The following CHD3 variants were observed in gnomAD, a reference collection of about 807,000 sequenced individuals.
CHD3 encodes chromodomain helicase DNA binding protein 3.
CHD3 carries 52 observed loss-of-function variants against 248.9 expected under a neutral mutation model. That is an observed-to-expected ratio of 0.21 (90% confidence interval 0.17 to 0.26). The LOEUF is 0.26. CHD3 is among the 10% of genes least tolerant of loss of function. CHD3 has a pLI of 1.00. For missense variants in CHD3, 1,482 were observed against 2,605.8 expected (o/e 0.57, Z 9.39); for synonymous variants, 985 against 985.2 (o/e 1.00, Z 0.00).
chr17:7,889,179 A>G lies in CHD3; in HGVS notation c.100+79A>G. ...AGGGCCCCAGGGTGTTAGTGTGAGA[A>G]CCCAGGTGTCCACCTTTGGCTCTCC... On this transcript the variant is annotated intron_variant, in intron 1 of 39. Coordinates refer to ENST00000330494, the MANE Select transcript of CHD3 (RefSeq NM_001005273.3). The surrounding 1 kb of genome is among the most constrained non-coding windows in gnomAD (Gnocchi z 4.5). The G allele has an allele frequency of 6.4e-7, 1 of 1,567,890 alleles. No individual in the cohort carries two copies. Among genetic ancestry groups the G allele is most frequent in the Non-Finnish European group, 8.7e-7 (1 of 1,145,124 alleles).
Position 7,909,033 on chromosome 17 carries a change from C to G in CHD3, c.5395-110C>G. The G allele has an allele frequency of 6.8e-7, 1 of 1,466,116 alleles. No individual in the cohort carries two copies. Among genetic ancestry groups the G allele is most frequent in the Non-Finnish European group, 9.2e-7 (1 of 1,082,288 alleles). The allele number at this position is 1,466,116 out of a possible 1,614,324, so 90.8% of individuals were successfully genotyped here. A position where few individuals can be genotyped will look rare whatever the true frequency, so the allele number is the denominator to read the frequency against. On this transcript the variant is annotated intron_variant, in intron 36 of 39. Transcript: ENST00000330494. This position sits in a 1 kb window ranked among gnomAD's most constrained non-coding sequence, Gnocchi z 8.1. ...CGCAGTCGGTTTGGAGCTGGGAGTG[C>G]CCTGGGCCAGCAGTGAGGGCAGGGT... is the stretch of plus-strand genomic sequence containing the variant.
In CHD3 at chr17:7,910,828, T is replaced by C. The variant is rs200597692; in HGVS notation, c.5755-19T>C. 2.1e-3 allele frequency: 3,326 copies of C among 1,584,646 alleles called. 58 individuals are homozygous for C. The South Asian group carries it at 0.027, about 13-fold the overall frequency. ...CAGACTATGAACTAACTCCAACTTC[T>C]GCTTCCTCTCTGTTCCAGGCCTACC... On this transcript the variant is annotated intron_variant, in intron 38 of 39. Transcript: ENST00000330494. This position sits in a 1 kb window ranked among gnomAD's most constrained non-coding sequence, Gnocchi z 4.7.
Position 7,900,870 on chromosome 17 carries a change from C to T in CHD3, c.2997C>T (p.Ile999=), listed in dbSNP as rs758346233. ...SPMQKKYYKY[I]LTRNFEALNS... is the part of the protein sequence containing the mutation. ...CCTTTAGGAAATACTACAAATACAT[C>T]CTGACTCGAAATTTTGAGGCCTTGA... is the stretch of plus-strand genomic sequence containing the variant. The change falls in exon 19 of 40, where the codon ATC becomes ATT. Residue 999 remains isoleucine, a synonymous_variant. Transcript: ENST00000330494. The surrounding 1 kb of genome is among the most constrained non-coding windows in gnomAD (Gnocchi z 6.5). The T allele has an allele frequency of 3.1e-5, 50 of 1,614,132 alleles. No individual in the cohort carries two copies. In the East Asian group the frequency reaches 1.1e-3, roughly 36 times the overall value.
At position 7,898,483 on chromosome 17, in the gene CHD3, A is replaced by T. The variant is rs764840474; in HGVS notation, c.2052-13A>T. ...CAAGGATGAGGCCTCATTCAGACCC[A>T]CTCTTTTTCCAGAGAACTAATTATG... On this transcript the variant is annotated splice_polypyrimidine_tract_variant and intron_variant, in intron 12 of 39. Transcript: ENST00000330494. 6.2e-7 allele frequency: 1 copy of T among 1,603,218 alleles called. No individual in the cohort carries two copies. Among genetic ancestry groups the T allele is most frequent in the Non-Finnish European group, 8.5e-7 (1 of 1,171,016 alleles).
Position 7,897,007 on chromosome 17 carries a change from C to A in CHD3, c.1708-76C>A. ...CCTTTCCCTGTCCCATTCCTCCTGC[C>A]GGCCTCTTCCCGGTTCCTTGTTGTC... On this transcript the variant is annotated intron_variant, in intron 10 of 39. Transcript: ENST00000330494. This position sits in a 1 kb window ranked among gnomAD's most constrained non-coding sequence, Gnocchi z 4.8. 1 of 1,232,182 alleles carries A rather than the reference C, an allele frequency of 8.1e-7. No homozygotes were observed. Among genetic ancestry groups the A allele is most frequent in the Non-Finnish European group, 1.2e-6 (1 of 841,970 alleles). The allele number at this position is 1,232,182 out of a possible 1,614,324, so 76.3% of individuals were successfully genotyped here.
intron 20 of CHD3, among the ~76,000 whole-genome samples, chr17:7,901,725 G>A (rs1301827848): frequency 1.3e-5 from 2 of 151,918 alleles, no homozygotes; most frequent in Non-Finnish European, 2.9e-5. Context: ...TGGTCAGGAT[G>A]GTCTCCATCA....
rs1970228042 is a variant in CHD3, at chr17:7,901,007, G to A, written c.3120+14G>A. 6 of 1,610,190 alleles carry A rather than the reference G, an allele frequency of 3.7e-6. No individual in the cohort carries two copies. Among genetic ancestry groups the A allele is most frequent in the Non-Finnish European group, 5.1e-6 (6 of 1,177,342 alleles). On this transcript the variant is annotated intron_variant, in intron 19 of 39. Coordinates refer to ENST00000330494, the MANE Select transcript of CHD3 (RefSeq NM_001005273.3). ...GTGGCTGCTATGGTAGATACACAGA[G>A]CAGGGAGCTGATCGAACGCCCATTC...
chr17:7,911,608 A>C lies in CHD3; in HGVS notation c.*23A>C. 3 of 1,613,558 alleles carry C rather than the reference A, an allele frequency of 1.9e-6. No individual in the cohort carries two copies. Among genetic ancestry groups the C allele is most frequent in the South Asian group, 2.2e-5 (2 of 91,048 alleles). ...TGACTGGATCCCAGGCCTGCCCTTC[A>C]CCCAGGCCCCGTCCCCGAGGCCGAC... On this transcript the variant is annotated 3_prime_UTR_variant, in exon 40 of 40. Transcript: ENST00000330494. This position sits in a 1 kb window ranked among gnomAD's most constrained non-coding sequence, Gnocchi z 5.4.
At chr17:7,894,018 A>G (rs1272265593) in intron 6 of CHD3, 83 bp downstream of exon 6, 89 of 1,600,116 alleles carry the variant, frequency 5.6e-5, no homozygotes, top group Non-Finnish European at 7.6e-5. Context: ...GGATCCAGAG[A>G]CAGGGATCCG....
In CHD3 at chr17:7,900,349, A is replaced by G. The variant is rs144370104; in HGVS notation, c.2742A>G (p.Pro914=). Residue 914 remains proline, a synonymous_variant, in exon 17 of 40, where the codon CCA becomes CCG. Coordinates refer to ENST00000330494, the MANE Select transcript of CHD3 (RefSeq NM_001005273.3). This position sits in a 1 kb window ranked among gnomAD's most constrained non-coding sequence, Gnocchi z 6.5. ...ATAAGTTGCTGCTGACAGGAACCCC[A>G]TTGCAGAATAATCTGGAGGAGCTCT... is the stretch of plus-strand genomic sequence containing the variant. ...IDHKLLLTGT[P]LQNNLEELFH... 1.6e-4 allele frequency: 263 copies of G among 1,614,202 alleles called. No homozygotes were observed. The highest frequency in any genetic ancestry group is 5.0e-4 in the Admixed American group (30 of 60,028).
intron 4 of CHD3, among the ~76,000 whole-genome samples, chr17:7,892,655 C>T (rs1047497228): frequency 1.3e-5 from 2 of 152,014 alleles, no homozygotes; most frequent in Non-Finnish European, 2.9e-5. Flanking sequence ...CACCACTACA[C>T]CCAGCTAATT....
At position 7,904,425 on chromosome 17, in the gene CHD3, AT is replaced by A; in HGVS notation, c.3895-15del. On this transcript the variant is annotated splice_polypyrimidine_tract_variant and intron_variant, in intron 24 of 39. Coordinates refer to ENST00000330494, the MANE Select transcript of CHD3 (RefSeq NM_001005273.3). The surrounding 1 kb of genome is among the most constrained non-coding windows in gnomAD (Gnocchi z 4.4). ...AGAAGGAGACCCCCAGTGTTCATTC[AT>A]TCTGTTGCCCTTCAGATTGAGGAAA... 1 of 1,606,906 alleles carries A rather than the reference AT, an allele frequency of 6.2e-7. No homozygotes were observed. The highest frequency in any genetic ancestry group is 1.7e-5 in the Admixed American group (1 of 59,734).
At chr17:7,894,384 T>C (rs776429905) in intron 7 of CHD3, 31 bp from the exon 8 acceptor site, 3 of 1,596,142 alleles carry the variant, frequency 1.9e-6, no homozygotes. Flanking sequence ...CCTGCCCTGC[T>C]TCCTTATCCC....
At chr17:7,894,379 C>A (rs768340600) in intron 7 of CHD3, 36 bp from the exon 8 acceptor site, 1 of 1,594,600 alleles carries the variant, frequency 6.3e-7, no homozygotes, top group South Asian at 1.1e-5. Context: ...CTCCCCCTGC[C>A]CTGCTTCCTT....
At position 7,907,531 on chromosome 17, in the gene CHD3, G is replaced by A. The variant is rs746076075; in HGVS notation, c.4924+43G>A. 1 of 1,535,432 alleles carries A rather than the reference G, an allele frequency of 6.5e-7. No individual in the cohort carries two copies. The highest frequency in any genetic ancestry group is 2.1e-5 in the Admixed American group (1 of 47,264). On this transcript the variant is annotated intron_variant, in intron 32 of 39. Coordinates refer to ENST00000330494, the MANE Select transcript of CHD3 (RefSeq NM_001005273.3). This position sits in a 1 kb window ranked among gnomAD's most constrained non-coding sequence, Gnocchi z 4.3. ...GGAGTGATGGGGGATTAGAATTTGG[G>A]ATTTCCCTCTTCTGGGGTCAGGGGA...
At position 7,909,307 on chromosome 17, in the gene CHD3, G is replaced by C; in HGVS notation, c.5559G>C (p.Gly1853=). The C allele has an allele frequency of 6.4e-7, 1 of 1,560,146 alleles. No homozygotes were observed. The highest frequency in any genetic ancestry group is 1.2e-5 in the South Asian group (1 of 84,690). Residue 1853 remains glycine (G), a synonymous_variant, in exon 37 of 40, where the codon GGG becomes GGC. Coordinates refer to ENST00000330494, the MANE Select transcript of CHD3 (RefSeq NM_001005273.3). The surrounding 1 kb of genome is among the most constrained non-coding windows in gnomAD (Gnocchi z 8.1). The part of the protein sequence containing the change: ...HQHLSKESLA[G]NKPANAVLHK... Reference sequence around the variant, plus strand: ...ACCTCTCCAAGGAGTCGCTGGCGGGGAACAAGCCGGCCAACGCCGTCCTGC... The same window carrying C: ...ACCTCTCCAAGGAGTCGCTGGCGGGCAACAAGCCGGCCAACGCCGTCCTGC...
In CHD3 at chr17:7,910,650, C is replaced by A; in HGVS notation, c.5754+59C>A. ...TGTTTGTGTTCCTCCTGCACACATACAAACACTTCCATCAGAATCCTATAC... is the reference window on the plus strand; with the variant it reads ...TGTTTGTGTTCCTCCTGCACACATAAAAACACTTCCATCAGAATCCTATAC... On this transcript the variant is annotated intron_variant, in intron 38 of 39. Transcript: ENST00000330494. This position sits in a 1 kb window ranked among gnomAD's most constrained non-coding sequence, Gnocchi z 4.7. 2.6e-6 allele frequency: 4 copies of A among 1,559,602 alleles called. No homozygotes were observed. The highest frequency in any genetic ancestry group is 1.2e-5 in the South Asian group (1 of 85,424).
intron 6 of CHD3, 71 bp from the exon 7 acceptor site, chr17:7,894,044 C>T: frequency 6.9e-6 from 11 of 1,591,336 alleles, no homozygotes; most frequent in Non-Finnish European, 9.4e-6. Flanking sequence ...GATGGCGGAA[C>T]AGGAAGCCAA....
At chr17:7,894,033 G>T (rs1200444186) in intron 6 of CHD3, 82 bp from the exon 7 acceptor site, 134 of 1,594,234 alleles carry the variant, frequency 8.4e-5, no homozygotes, top group Non-Finnish European at 1.0e-4. Context: ...GATCCGTGAG[G>T]GATGGCGGAA....
Sources: allele counts gnomAD v4.1 joint callset (sites outside exome capture counted in the v4.1 genomes callset), GRCh38; gene constraint gnomAD v4.1.1; non-coding constraint Gnocchi (gnomAD v3.1); transcripts MANE v1.5; gene names NCBI Gene and HGNC (gene_info 2026-07-23, HGNC 2026-07-21).